Variants in F2R observed in about 807,000 individuals in gnomAD.
F2R encodes the protein proteinase-activated receptor 1.
Under a neutral mutation model 18.3 loss-of-function variants are expected in F2R, and 12 were observed. The observed-to-expected ratio is 0.66, with a 90% CI of 0.42 to 1.06. The LOEUF (loss-of-function observed/expected upper bound fraction) is 1.06, where lower values mean the gene tolerates loss of function less well. Among genes scored for constraint, F2R ranks in the 50% least tolerant of loss-of-function variants. The pLI is 0.00. For synonymous variants in F2R, 210 were observed against 219.9 expected, an observed-to-expected ratio of 0.95 and a Z score of 0.40; for missense variants, 438 against 530.8, an observed-to-expected ratio of 0.83 and a Z score of 1.72.
chr5:76,718,984 A>G (rs1377774892), intron 1 of F2R, among the ~76,000 whole-genome samples: 1 of 151,712 alleles, frequency 6.6e-6, no homozygotes, highest in African/African-American at 2.4e-5. Flanking sequence ...GCCATCTCCT[A>G]TTACTCACCC....
At chr5:76,718,106 G>A (rs37242) in intron 1 of F2R, among the ~76,000 whole-genome samples, 114,449 of 152,030 alleles carry the variant, frequency 0.75, 43,237 homozygotes, top group African/African-American at 0.79. Flanking sequence ...ATTTTCACTT[G>A]GATTGTCTCA....
At position 76,716,281 on chromosome 5, in the gene F2R, G is replaced by A; in HGVS notation, c.-27G>A. On this transcript the variant is annotated 5_prime_UTR_variant, in exon 1 of 2. Transcript: ENST00000319211. ...CAGCCCGAGGCGGGGCAGCCTCCCG[G>A]AGCAGCGCCGCGCAGAGCCCGGGAC... is the stretch of plus-strand genomic sequence containing the variant. The A allele has an allele frequency of 6.7e-6, 9 of 1,352,270 alleles. No individual in the cohort carries two copies. Among genetic ancestry groups the A allele is most frequent in the Non-Finnish European group, 8.5e-6 (9 of 1,058,472 alleles). 83.8% of individuals were successfully genotyped at this position (1,352,270 alleles called of 1,614,324 possible). A position where few individuals can be genotyped will look rare whatever the true frequency, so the allele number is the denominator to read the frequency against.
intron 1 of F2R, among the ~76,000 whole-genome samples, chr5:76,723,672 T>C (rs866073015): frequency 3.3e-5 from 5 of 152,346 alleles, no homozygotes; most frequent in African/African-American, 1.2e-4. Flanking sequence ...CACACAAGCA[T>C]GCAAGAACAT....
chr5:76,716,417 G>A, intron 1 of F2R, 22 bp downstream of exon 1: 2 of 1,422,786 alleles, frequency 1.4e-6, no homozygotes, highest in South Asian at 3.0e-5. Flanking sequence ...ACGGGAATGG[G>A]GTGCGCGGGC....
chr5:76,716,790 T>C (rs991438834), intron 1 of F2R: 1 of 526,266 alleles, frequency 1.9e-6, no homozygotes, highest in South Asian at 2.6e-5. Context: ...AAATATAAAG[T>C]GGCGAACCGC....
In F2R at chr5:76,726,388, G is replaced by A. The variant is rs2227782; in HGVS notation, c.89-5926G>A. Among the ~76,000 whole-genome samples, 1,210 of 152,194 alleles carry A rather than the reference G, an allele frequency of 8.0e-3. 14 individuals carry two copies. The highest frequency in any genetic ancestry group is 0.026 in the African/African-American group (1,095 of 41,524). On this transcript the variant is annotated intron_variant, in intron 1 of 1. Transcript: ENST00000319211. The stretch of plus-strand genomic sequence containing the variant: ...CTTCTAAAAATACAAAAAATTAGCC[G>A]GGCGCGGTGGCAGGCACCTGTAGTC...
chr5:76,721,254 A>G (rs1254469149), intron 1 of F2R, among the ~76,000 whole-genome samples: 1 of 152,134 alleles, frequency 6.6e-6, no homozygotes, highest in Non-Finnish European at 1.5e-5. Flanking sequence ...TTTACCATTC[A>G]TAATTTTCTG....
chr5:76,732,176 T>G (rs1281105840), intron 1 of F2R, 138 bp from the exon 2 acceptor site: 2 of 639,134 alleles, frequency 3.1e-6, no homozygotes, highest in Non-Finnish European at 2.7e-6. Flanking sequence ...AGTCTATTTG[T>G]GCATTATCTG....
intron 1 of F2R, among the ~76,000 whole-genome samples, chr5:76,731,263 G>A (rs1334514975): frequency 6.6e-6 from 1 of 152,136 alleles, no homozygotes; most frequent in East Asian, 1.9e-4. Context: ...CATGGACATT[G>A]GCCGTAGAAT....
intron 1 of F2R, among the ~76,000 whole-genome samples, chr5:76,725,454 G>T (rs1748537091): frequency 6.6e-6 from 1 of 151,912 alleles, no homozygotes. Context: ...AATGATAAGA[G>T]ATTTGGGCAC....
chr5:76,730,656 C>G (rs1301737274), intron 1 of F2R, among the ~76,000 whole-genome samples: 3 of 152,166 alleles, frequency 2.0e-5, no homozygotes, highest in Non-Finnish European at 1.5e-5. Flanking sequence ...TAATATAACT[C>G]AATTCTGACA....
chr5:76,720,199 C>A (rs1253912280), intron 1 of F2R, among the ~76,000 whole-genome samples: 1 of 152,064 alleles, frequency 6.6e-6, no homozygotes, highest in Non-Finnish European at 1.5e-5. Context: ...CCTGTAATCC[C>A]AGCACTTTGG....
intron 1 of F2R, among the ~76,000 whole-genome samples, chr5:76,727,441 A>G (rs113554489): frequency 1.3e-5 from 2 of 152,308 alleles, no homozygotes; most frequent in East Asian, 3.9e-4. Flanking sequence ...AACAGTTCTT[A>G]CCCTTAAGGA....
At chr5:76,726,690 G>T (rs1748565801) in intron 1 of F2R, among the ~76,000 whole-genome samples, 1 of 151,986 alleles carries the variant, frequency 6.6e-6, no homozygotes, top group Admixed American at 6.6e-5. Context: ...GACAGAGCAA[G>T]ACTCCATCTC....
Position 76,716,260 on chromosome 5 carries a change from C to A in F2R, c.-48C>A. ...AGGAGAGAGGGTGAAGCGGAGCAGC[C>A]CGAGGCGGGGCAGCCTCCCGGAGCA... On this transcript the variant is annotated 5_prime_UTR_variant, in exon 1 of 2. Coordinates refer to ENST00000319211, the MANE Select transcript of F2R (RefSeq NM_001992.5). The A allele has an allele frequency of 7.6e-7, 1 of 1,320,398 alleles. No individual in the cohort carries two copies. Among genetic ancestry groups the A allele is most frequent in the Admixed American group, 4.1e-5 (1 of 24,516 alleles). 81.8% of individuals were successfully genotyped at this position (1,320,398 alleles called of 1,614,324 possible).
At chr5:76,717,236 A>G (rs1748363785) in intron 1 of F2R, among the ~76,000 whole-genome samples, 2 of 152,228 alleles carry the variant, frequency 1.3e-5, no homozygotes, top group South Asian at 4.1e-4. Flanking sequence ...AATTTGATTA[A>G]TTTATTTGGT....
At chr5:76,730,151 C>T (rs1223717506) in intron 1 of F2R, among the ~76,000 whole-genome samples, 1 of 152,104 alleles carries the variant, frequency 6.6e-6, no homozygotes, top group African/African-American at 2.4e-5. Context: ...TGGTTTTACT[C>T]AAGCAGCAGA....
In F2R at chr5:76,732,883, T is replaced by C. The variant is rs1364645448; in HGVS notation, c.658T>C (p.Ser220Pro). 6.2e-7 allele frequency: 1 copy of C among 1,614,154 alleles called. No homozygotes were observed. The highest frequency in any genetic ancestry group is 2.2e-5 in the East Asian group (1 of 44,872). ...SLSWRTLGRA[S>P]FTCLAIWALA... ...CTCCTGGCGTACTCTGGGAAGGGCT[T>C]CCTTCACTTGTCTGGCCATCTGGGC... is the stretch of plus-strand genomic sequence containing the variant. Residue 220 changes from serine to proline, a missense_variant, in exon 2 of 2, where the codon TCC (serine) becomes CCC (proline). Transcript: ENST00000319211.
intron 1 of F2R, among the ~76,000 whole-genome samples, chr5:76,719,740 T>G (rs994144218): frequency 2.3e-4 from 35 of 152,156 alleles, no homozygotes; most frequent in African/African-American, 8.4e-4. Flanking sequence ...CCTAGTACAG[T>G]ATGGATTTAC....
Sources: gnomAD v4.1 joint callset for allele counts (sites outside exome capture counted in the v4.1 genomes callset) on GRCh38, gnomAD v4.1.1 for gene constraint, MANE v1.5 for transcripts, NCBI Gene and HGNC (gene_info 2026-07-23, HGNC 2026-07-21) for gene names.